The following NAV3 variants were observed in gnomAD, a reference collection of about 807,000 sequenced individuals.
NAV3 encodes pore membrane and/or filament interacting like protein 1.
In NAV3, 87 loss-of-function variants were observed where a neutral mutation model predicts 244.7. The ratio of observed to expected loss-of-function variants is 0.36; its 90% CI spans 0.30 to 0.42. The LOEUF (loss-of-function observed/expected upper bound fraction) is 0.42. Ranked by LOEUF, NAV3 falls within the 20% of genes least tolerant of loss-of-function variation. NAV3 has a pLI of 1.00. For missense variants in NAV3, 2,663 were observed against 2,893.3 expected, an observed-to-expected ratio of 0.92 and a Z score of 1.83; for synonymous variants, 1,126 against 1,042.2, an observed-to-expected ratio of 1.08 and a Z score of -1.55.
intron 23 of NAV3, 113 bp downstream of exon 23, chr12:78,159,399 C>A: frequency 1.0e-6 from 1 of 966,246 alleles, no homozygotes; most frequent in South Asian, 1.6e-5. Flanking sequence ...TGCAGAGGCT[C>A]ATGCCTGTAA....
chr12:77,938,396 C>T (rs1308424998), intron 1 of NAV3, among the ~76,000 whole-genome samples: 1 of 152,070 alleles, frequency 6.6e-6, no homozygotes, highest in Non-Finnish European at 1.5e-5. Flanking sequence ...TTTTCTTACC[C>T]TTCAATATCT....
chr12:78,070,602 G>A (rs546799557), intron 12 of NAV3, among the ~76,000 whole-genome samples: 38 of 151,678 alleles, frequency 2.5e-4, no homozygotes, highest in Admixed American at 1.3e-3. Flanking sequence ...TGCACATTGT[G>A]CAGGTTAGTT....
Position 77,706,440 on chromosome 12 carries a change from A to G in NAV3, c.72+134174A>G, listed in dbSNP as rs1044847866. 2.6e-5 allele frequency among the ~76,000 whole-genome samples: 4 copies of G among 151,382 alleles called. 1 individual carries two copies. The highest frequency in any genetic ancestry group is 9.8e-5 in the African/African-American group (4 of 40,762). On this transcript the variant is annotated intron_variant, in intron 2 of 8. Transcript: ENST00000550042. ...CATTGCTCTATGCCTTCAATCCACTATTGAGACCTACGTTGAAACTCTACT... is the reference window on the plus strand; with the variant it reads ...CATTGCTCTATGCCTTCAATCCACTGTTGAGACCTACGTTGAAACTCTACT...
intron 12 of NAV3, among the ~76,000 whole-genome samples, chr12:78,080,267 A>G (rs982989264): frequency 6.6e-6 from 1 of 152,326 alleles, no homozygotes; most frequent in South Asian, 2.1e-4. Flanking sequence ...AAATGAAAGT[A>G]TCATGTCCCC....
At chr12:77,915,562 A>C (rs936556) in intron 1 of NAV3, among the ~76,000 whole-genome samples, 16,770 of 151,996 alleles carry the variant, frequency 0.11, 1,063 homozygotes, top group South Asian at 0.2. Context: ...TCAAGTAATT[A>C]ATCTAGATAG....
At chr12:77,720,365 C>T (rs949915523) in intron 2 of NAV3, among the ~76,000 whole-genome samples, 6 of 152,110 alleles carry the variant, frequency 3.9e-5, no homozygotes, top group African/African-American at 7.2e-5. Context: ...GCCACTCAAG[C>T]GTTTTTCTGT....
At chr12:77,838,853 A>T (rs1520727) in intron 1 of NAV3, among the ~76,000 whole-genome samples, 6 of 152,054 alleles carry the variant, frequency 3.9e-5, no homozygotes, top group Non-Finnish European at 5.9e-5. Flanking sequence ...CTGGACTTCA[A>T]TCTCTGTATT....
intron 22 of NAV3, among the ~76,000 whole-genome samples, chr12:78,156,738 A>T (rs1183548773): frequency 2.6e-5 from 4 of 152,144 alleles, no homozygotes; most frequent in African/African-American, 4.8e-5. Flanking sequence ...GAAAACACAC[A>T]ATTTTAGTTT....
intron 28 of NAV3, 69 bp downstream of exon 28, chr12:78,177,754 C>G: frequency 7.1e-7 from 1 of 1,414,940 alleles, no homozygotes; most frequent in Non-Finnish European, 9.7e-7. Flanking sequence ...TTTGCTTTTG[C>G]TTTTTCTAAA....
At chr12:78,061,838 A>G (rs1884373177) in intron 12 of NAV3, among the ~76,000 whole-genome samples, 1 of 152,108 alleles carries the variant, frequency 6.6e-6, no homozygotes, top group Non-Finnish European at 1.5e-5. Flanking sequence ...ACTGTAATTG[A>G]GATCATGTAA....
intron 12 of NAV3, among the ~76,000 whole-genome samples, chr12:78,072,875 G>A (rs1426934136): frequency 2.0e-5 from 2 of 99,822 alleles, no homozygotes; most frequent in Non-Finnish European, 4.1e-5. Context: ...TGCAAGGCTG[G>A]TTCAATATAC....
intron 5 of NAV3, among the ~76,000 whole-genome samples, chr12:77,984,833 T>C (rs1593196352): frequency 1.3e-5 from 2 of 152,294 alleles, no homozygotes; most frequent in South Asian, 2.1e-4. Flanking sequence ...GTTTTTTTTT[T>C]CGAGACGGAG....
intron 1 of NAV3, among the ~76,000 whole-genome samples, chr12:77,869,802 A>C (rs1297066527): frequency 6.6e-6 from 1 of 152,200 alleles, no homozygotes; most frequent in Non-Finnish European, 1.5e-5. Flanking sequence ...TCCTTTAGAC[A>C]ATATGCTTTA....
At chr12:77,948,798 G>T (rs1453280764) in intron 3 of NAV3, among the ~76,000 whole-genome samples, 2 of 150,294 alleles carry the variant, frequency 1.3e-5, no homozygotes. Flanking sequence ...AAGATATTTG[G>T]CCATTTTCAA....
At chr12:77,825,404 T>C (rs1301829935) in intron 2 of NAV3, among the ~76,000 whole-genome samples, 5 of 152,208 alleles carry the variant, frequency 3.3e-5, no homozygotes, top group Admixed American at 6.5e-5. Context: ...AGAAAACGTA[T>C]GCTAACAGTA....
intron 2 of NAV3, among the ~76,000 whole-genome samples, chr12:77,627,108 AAAC>A (rs376278136): frequency 4.6e-5 from 7 of 152,156 alleles, no homozygotes; most frequent in African/African-American, 9.6e-5. Context: ...AGATTTATAA[AAAC>A]AACAACAACA....
chr12:77,655,546 A>G (rs1873056710), intron 2 of NAV3, among the ~76,000 whole-genome samples: 1 of 152,364 alleles, frequency 6.6e-6, no homozygotes, highest in Admixed American at 6.5e-5. Flanking sequence ...GATATTATCC[A>G]GGAGAACTTC....
intron 12 of NAV3, among the ~76,000 whole-genome samples, chr12:78,078,617 G>A (rs1010326713): frequency 4.0e-5 from 6 of 151,602 alleles, no homozygotes; most frequent in African/African-American, 1.5e-4. Context: ...GGATGGTCTC[G>A]ATCTCCTGAC....
chr12:77,680,802 C>T (rs1469048196), intron 2 of NAV3, among the ~76,000 whole-genome samples: 1 of 152,046 alleles, frequency 6.6e-6, no homozygotes. Flanking sequence ...ATATAGGAGA[C>T]AAGAACCAAT....
Sources: allele counts gnomAD v4.1 joint callset (sites outside exome capture counted in the v4.1 genomes callset), GRCh38; gene constraint gnomAD v4.1.1; transcripts MANE v1.5; gene names NCBI Gene and HGNC (gene_info 2026-07-23, HGNC 2026-07-21).